The following DPEP1 variants were observed in gnomAD, a reference collection of about 807,000 sequenced individuals.
The protein encoded by DPEP1 is dipeptidase 1.
Under a neutral mutation model 42.3 loss-of-function variants are expected in DPEP1, and 50 were observed. The ratio of observed to expected loss-of-function variants is 1.18; its 90% CI spans 0.94 to 1.50. The LOEUF (loss-of-function observed/expected upper bound fraction) is 1.50, where lower values mean the gene tolerates loss of function less well. Ranked by LOEUF, DPEP1 falls within the 40% of genes most tolerant of loss-of-function variation. The probability of loss-of-function intolerance (pLI) is 0.00; values close to 1 mark genes in which losing one functional copy is unlikely to be tolerated. For missense variants in DPEP1, 663 were observed against 553.0 expected, an observed-to-expected ratio of 1.20 and a Z score of -1.99; for synonymous variants, 297 against 234.0, an observed-to-expected ratio of 1.27 and a Z score of -2.46.
rs2059673519 is a variant in DPEP1, at chr16:89,636,015, T to G, written c.212T>G (p.Leu71Arg). 2 of 1,611,370 alleles carry G rather than the reference T, an allele frequency of 1.2e-6. No homozygotes were observed. The highest frequency in any genetic ancestry group is 1.7e-6 in the Non-Finnish European group (2 of 1,179,294). ...LAGTHTNIPK[L>R]RAGFVGGQFW... ...GGCACACACACCAACATCCCCAAGC[T>G]GAGGGCCGGCTTTGTGGGAGGCCAG... is the stretch of plus-strand genomic sequence containing the variant. Residue 71 changes from leucine to arginine, a missense_variant, in exon 3 of 11, where the codon CTG (leucine) becomes CGG (arginine). By Grantham distance (102) the Leu-to-Arg change is moderately radical. Transcript: ENST00000690203.
Position 89,638,378 on chromosome 16 carries a change from G to GGACA in DPEP1, c.*158_*161dup. 1 of 1,410,112 alleles carries GGACA rather than the reference G, an allele frequency of 7.1e-7. No individual in the cohort carries two copies. The highest frequency in any genetic ancestry group is 9.2e-7 in the Non-Finnish European group (1 of 1,088,158). 87.3% of individuals were successfully genotyped at this position (1,410,112 alleles called of 1,614,324 possible). ...CTTACCTGGGGGGCAGGATGCCTGG[G>GGACA]GACAGTTCAGGACACACACACAGTA... is the stretch of plus-strand genomic sequence containing the variant. On this transcript the variant is annotated 3_prime_UTR_variant, in exon 11 of 11. Transcript: ENST00000690203.
chr16:89,637,002 C>T (rs1320796161), intron 6 of DPEP1, 67 bp downstream of exon 6: 6 of 1,589,754 alleles, frequency 3.8e-6, no homozygotes, highest in Non-Finnish European at 4.3e-6. Flanking sequence ...GTGACCAGAA[C>T]AATGCATCTC....
intron 1 of DPEP1, among the ~76,000 whole-genome samples, chr16:89,628,252 C>CTT (rs60909664): frequency 0.18 from 13,638 of 75,246 alleles, 1,054 homozygotes; most frequent in Admixed American, 0.21. Context: ...TCTTTCTTTT[C>CTT]TTTCTTTTTT....
intron 2 of DPEP1, 99 bp from the exon 3 acceptor site, chr16:89,635,809 A>C (rs2059669982): frequency 7.0e-7 from 1 of 1,436,268 alleles, no homozygotes; most frequent in South Asian, 1.4e-5. Flanking sequence ...TGTCGTGAGG[A>C]GTAGGAAGTG....
At chr16:89,624,357 C>G (rs2059480981) in intron 1 of DPEP1, among the ~76,000 whole-genome samples, 1 of 152,098 alleles carries the variant, frequency 6.6e-6, no homozygotes, top group African/African-American at 2.4e-5. Context: ...GCAGGTGTCA[C>G]TGGAAGGATG....
chr16:89,635,897 G>T lies in DPEP1; in HGVS notation c.105-11G>T. On this transcript the variant is annotated splice_polypyrimidine_tract_variant and intron_variant, in intron 2 of 10. Coordinates refer to ENST00000690203, the MANE Select transcript of DPEP1 (RefSeq NM_001389466.1). ...GCCCTGACTGCCTGGCCTCTCCCCGGCAAACTCCAGGCACAATGACCTCCC... is the reference window on the plus strand; with the variant it reads ...GCCCTGACTGCCTGGCCTCTCCCCGTCAAACTCCAGGCACAATGACCTCCC... The T allele has an allele frequency of 6.3e-7, 1 of 1,585,408 alleles. No individual in the cohort carries two copies.
chr16:89,639,780 G>C (rs542314627), downstream of DPEP1, among the ~76,000 whole-genome samples: 71 of 152,164 alleles, frequency 4.7e-4, no homozygotes, highest in African/African-American at 1.7e-3. Flanking sequence ...CCGTCTCCCA[G>C]GTTCAAGTAA....
At chr16:89,618,707 C>A (rs536817490) in intron 1 of DPEP1, among the ~76,000 whole-genome samples, 5 of 152,068 alleles carry the variant, frequency 3.3e-5, no homozygotes, top group African/African-American at 1.2e-4. Context: ...TGTGTTGCCC[C>A]GGCTGGTCTC....
At chr16:89,626,652 C>T (rs545870442) in intron 1 of DPEP1, among the ~76,000 whole-genome samples, 116 of 152,254 alleles carry the variant, frequency 7.6e-4, no homozygotes, top group African/African-American at 2.7e-3. Context: ...CCGCACCCAG[C>T]CTAAGATCTG....
At chr16:89,620,311 C>T (rs969112750) in intron 1 of DPEP1, among the ~76,000 whole-genome samples, 1 of 152,100 alleles carries the variant, frequency 6.6e-6, no homozygotes, top group African/African-American at 2.4e-5. Context: ...CTGGGACCCC[C>T]AGGCCACTTG....
intron 1 of DPEP1, among the ~76,000 whole-genome samples, chr16:89,620,148 C>T (rs560851651): frequency 2.0e-5 from 3 of 152,072 alleles, no homozygotes; most frequent in South Asian, 2.1e-4. Flanking sequence ...TTCCAATCCT[C>T]GATTGTGGCT....
rs1381794518 is a variant in DPEP1, at chr16:89,619,842, C to A, written c.-107+6123C>A. 4.2e-4 allele frequency among the ~76,000 whole-genome samples: 8 copies of A among 18,874 alleles called. 1 individual carries two copies. The highest frequency in any genetic ancestry group is 2.1e-3 in the African/African-American group (8 of 3,756). 12.4% of individuals were successfully genotyped at this position (18,874 alleles called of 152,430 possible). ...CCCCTCTCTGCAGCCCCCTGCGTCCCCTCCCCTCTCTGCAGCCCCCACTGT... is the reference window on the plus strand; with the variant it reads ...CCCCTCTCTGCAGCCCCCTGCGTCCACTCCCCTCTCTGCAGCCCCCACTGT... On this transcript the variant is annotated intron_variant, in intron 1 of 10. Transcript: ENST00000690203.
At position 89,637,651 on chromosome 16, in the gene DPEP1, G is replaced by A; in HGVS notation, c.873G>A (p.Lys291=). 6.2e-7 allele frequency: 1 copy of A among 1,613,036 alleles called. No homozygotes were observed. Among genetic ancestry groups the A allele is most frequent in the Admixed American group, 1.7e-5 (1 of 60,020 alleles). The change falls in exon 9 of 11, where the codon AAG becomes AAA. Residue 291 remains lysine (K), a synonymous_variant. Coordinates refer to ENST00000690203, the MANE Select transcript of DPEP1 (RefSeq NM_001389466.1). Reference sequence around the variant, plus strand: ...GGACAGACCATCTGGATCACATCAAGGAGGTGGCAGGAGCCAGAGCCGTGG... The same window carrying A: ...GGACAGACCATCTGGATCACATCAAAGAGGTGGCAGGAGCCAGAGCCGTGG... ...SQVADHLDHI[K]EVAGARAVGF...
chr16:89,614,770 G>C (rs2059366007), intron 1 of DPEP1, among the ~76,000 whole-genome samples: 1 of 152,226 alleles, frequency 6.6e-6, no homozygotes, highest in Non-Finnish European at 1.5e-5. Context: ...ACTCCAGCCT[G>C]AGTGACAGAG....
chr16:89,617,622 C>T (rs112494703), intron 1 of DPEP1, among the ~76,000 whole-genome samples: 424 of 12,168 alleles, frequency 0.035, no homozygotes, highest in East Asian at 0.12. Flanking sequence ...CCGGGCGCGG[C>T]GGCTCACACC....
At chr16:89,615,769 G>A (rs898896151) in intron 1 of DPEP1, among the ~76,000 whole-genome samples, 21 of 152,198 alleles carry the variant, frequency 1.4e-4, no homozygotes, top group Non-Finnish European at 4.4e-5. Context: ...AGGAGCTGCA[G>A]CAGCCAGGCA....
At chr16:89,638,469 G>T, downstream of DPEP1, 3 of 1,304,142 alleles carry the variant, frequency 2.3e-6, no homozygotes, top group South Asian at 2.4e-5. Flanking sequence ...CGGCTCAGGA[G>T]GTGGGGTGTT....
intron 2 of DPEP1, among the ~76,000 whole-genome samples, chr16:89,632,378 T>C (rs929351158): frequency 2.0e-5 from 3 of 152,114 alleles, no homozygotes; most frequent in African/African-American, 7.2e-5. Context: ...TAGAAGCTGT[T>C]ACGGGACCCA....
intron 4 of DPEP1, 66 bp from the exon 5 acceptor site, chr16:89,636,467 C>A (rs183703490): frequency 1.3e-6 from 2 of 1,595,052 alleles, no homozygotes; most frequent in East Asian, 2.2e-5. Flanking sequence ...CAGCAGGTGC[C>A]GGTCAGGACA....
Sources: allele counts gnomAD v4.1 joint callset (sites outside exome capture counted in the v4.1 genomes callset), GRCh38; gene constraint gnomAD v4.1.1; transcripts MANE v1.5; gene names NCBI Gene and HGNC (gene_info 2026-07-23, HGNC 2026-07-21).